Variants in CCDC27 observed in about 807,000 individuals in gnomAD.
CCDC27 encodes coiled-coil domain-containing protein 27.
In CCDC27, 80 loss-of-function variants were observed where a neutral mutation model predicts 80.3. The observed-to-expected ratio is 1.00, with a 90% CI of 0.83 to 1.20. The LOEUF (loss-of-function observed/expected upper bound fraction) is 1.20. Among genes scored for constraint, CCDC27 ranks in the 50% most tolerant of loss-of-function variants. CCDC27 has a pLI of 0.00. For missense variants in CCDC27, 815 were observed against 809.4 expected, an observed-to-expected ratio of 1.01 and a Z score of -0.08; for synonymous variants, 342 against 334.3, an observed-to-expected ratio of 1.02 and a Z score of -0.25.
chr1:3,761,472 G>A lies in CCDC27; in HGVS notation c.861+42G>A, dbSNP rs375551418. ...GGGGCACAGCGCAGAGCTCTAAGAC[G>A]GTTGTTTTCAAAGCGTCCAAAGCTG... On this transcript the variant is annotated intron_variant, in intron 5 of 11. Transcript: ENST00000294600. The surrounding 1 kb of genome is among the most constrained non-coding windows in gnomAD (Gnocchi z 5.0). 63 of 1,592,198 alleles carry A rather than the reference G, an allele frequency of 4.0e-5. No individual in the cohort carries two copies. The African/African-American group carries it at 4.5e-4, about 11-fold the overall frequency.
intron 10 of CCDC27, 104 bp downstream of exon 10, chr1:3,767,549 C>A: frequency 1.0e-6 from 1 of 959,122 alleles, no homozygotes; most frequent in Non-Finnish European, 1.6e-6. Context: ...TCTGTGTACG[C>A]TGGGGCTCGG....
intron 1 of CCDC27, 94 bp from the exon 2 acceptor site, chr1:3,754,024 T>C (rs1293424642): frequency 1.3e-6 from 2 of 1,528,328 alleles, no homozygotes; most frequent in East Asian, 2.4e-5. Context: ...TTGGGGCGAT[T>C]TGTGATGGTT....
At chr1:3,758,949 C>T (rs910173857) in intron 4 of CCDC27, among the ~76,000 whole-genome samples, 33 of 151,896 alleles carry the variant, frequency 2.2e-4, no homozygotes, top group Non-Finnish European at 1.0e-4. Context: ...AGTGGCTCAC[C>T]TCTGCAATCC....
rs902714278 is a variant in CCDC27, at chr1:3,755,533, C to T, written c.519C>T (p.Phe173=). The T allele has an allele frequency of 3.1e-6, 5 of 1,614,098 alleles. No homozygotes were observed. Among genetic ancestry groups the T allele is most frequent in the Non-Finnish European group, 4.2e-6 (5 of 1,180,020 alleles). The change falls in exon 3 of 12, where the codon TTC becomes TTT. Residue 173 remains phenylalanine, a synonymous_variant. Transcript: ENST00000294600. Reference sequence around the variant, plus strand: ...CCTGGAGAGGCACCCAGGACCTGTTCTTGGCCAGGCGGGGCTCAGACACGA... The same window carrying T: ...CCTGGAGAGGCACCCAGGACCTGTTTTTGGCCAGGCGGGGCTCAGACACGA... ...SETWRGTQDL[F]LARRGSDTNV...
intron 3 of CCDC27, 110 bp downstream of exon 3, chr1:3,755,677 C>T: frequency 1.1e-6 from 1 of 927,952 alleles, no homozygotes; most frequent in Non-Finnish European, 1.7e-6. Context: ...CCGGGACTGT[C>T]TGCCTCCTGA....
chr1:3,757,613 T>C (rs1214001439), intron 4 of CCDC27, among the ~76,000 whole-genome samples: 1 of 152,060 alleles, frequency 6.6e-6, no homozygotes, highest in African/African-American at 2.4e-5. Context: ...GGCTACTTTT[T>C]GTATTTTTGT....
At chr1:3,756,611 T>G (rs1344922722) in intron 3 of CCDC27, 122 bp from the exon 4 acceptor site, 2 of 1,010,846 alleles carry the variant, frequency 2.0e-6, no homozygotes, top group Non-Finnish European at 1.5e-6. Flanking sequence ...GATTGGAGTC[T>G]GTCTGGGCAG....
At position 3,769,832 on chromosome 1, in the gene CCDC27, G is replaced by A; in HGVS notation, c.1793G>A (p.Gly598Glu). ...ATCCAGGCCACCTTTAGCATCTCCG[G>A]GACCAAGTCCTTGGCCAACGAGATC... ...KIIQATFSIS[G>E]TKSLANEISD... The change falls in exon 11 of 12, where the codon GGG (glycine) becomes GAG (glutamate). Residue 598 changes from glycine (G) to glutamate (E), a missense_variant. Gly to Glu is a moderately conservative substitution (Grantham distance 98). Transcript: ENST00000294600. The surrounding 1 kb of genome is among the most constrained non-coding windows in gnomAD (Gnocchi z 4.6). 6.2e-7 allele frequency: 1 copy of A among 1,613,992 alleles called. No individual in the cohort carries two copies. Among genetic ancestry groups the A allele is most frequent in the Non-Finnish European group, 8.5e-7 (1 of 1,179,960 alleles).
Position 3,763,967 on chromosome 1 carries a change from C to G in CCDC27, c.1452+131C>G. 7.1e-7 allele frequency: 1 copy of G among 1,415,230 alleles called. No homozygotes were observed. The highest frequency in any genetic ancestry group is 9.4e-7 in the Non-Finnish European group (1 of 1,065,848). The allele number at this position is 1,415,230 out of a possible 1,614,324, so 87.7% of individuals were successfully genotyped here. A position where few individuals can be genotyped will look rare whatever the true frequency, so the allele number is the denominator to read the frequency against. ...AGACTTTGAGCCTGGGGTGTCCAGGCAGCTGGCCCAGGGTTGTGCGGCTGA... is the reference window on the plus strand; with the variant it reads ...AGACTTTGAGCCTGGGGTGTCCAGGGAGCTGGCCCAGGGTTGTGCGGCTGA... On this transcript the variant is annotated intron_variant, in intron 8 of 11. Transcript: ENST00000294600. The surrounding 1 kb of genome is among the most constrained non-coding windows in gnomAD (Gnocchi z 7.5).
intron 6 of CCDC27, 36 bp downstream of exon 6, chr1:3,762,748 G>T: frequency 1.3e-6 from 2 of 1,531,686 alleles, no homozygotes; most frequent in Non-Finnish European, 1.8e-6. Flanking sequence ...CGCAGTGGGG[G>T]ACCCGGGCCC....
rs115222871 is a variant in CCDC27 at position 3,770,061 on chromosome 1, A to G, written c.1848+174A>G. ...CTCTCAGCTCAGGCAGAGGGGATCA[A>G]ATCATCCTAAGGCAGGTGGGGGCAT... On this transcript the variant is annotated intron_variant, in intron 11 of 11. Transcript: ENST00000294600. Among the ~76,000 whole-genome samples, 673 of 152,234 alleles carry G rather than the reference A, an allele frequency of 4.4e-3. 1 individual carries two copies. Among genetic ancestry groups the G allele is most frequent in the African/African-American group, 0.016 (646 of 41,534 alleles).
At chr1:3,753,470 G>A (rs1184395456) in intron 1 of CCDC27, among the ~76,000 whole-genome samples, 2 of 151,956 alleles carry the variant, frequency 1.3e-5, no homozygotes, top group African/African-American at 2.4e-5. Context: ...ATTACAATGT[G>A]CCACCTTGCC....
At chr1:3,767,076 T>C (rs1246217692) in intron 9 of CCDC27, among the ~76,000 whole-genome samples, 157 bp from the exon 10 acceptor site, 3 of 152,184 alleles carry the variant, frequency 2.0e-5, no homozygotes, top group Non-Finnish European at 4.4e-5. Flanking sequence ...CTTAACCTCG[T>C]GATCCGCCCA....
At chr1:3,753,714 C>G (rs1364397243) in intron 1 of CCDC27, among the ~76,000 whole-genome samples, 1 of 152,244 alleles carries the variant, frequency 6.6e-6, no homozygotes, top group Admixed American at 6.5e-5. Flanking sequence ...AGGGGACACA[C>G]TGCTGCAGCC....
chr1:3,752,909 G>A, intron 1 of CCDC27, 110 bp downstream of exon 1: 1 of 1,236,412 alleles, frequency 8.1e-7, no homozygotes, highest in Non-Finnish European at 1.1e-6. Context: ...CAGGCCTTCT[G>A]GTGATGGGTT....
rs545269800 is a variant in CCDC27 at position 3,768,834 on chromosome 1, C to T, written c.1744-949C>T. Reference sequence around the variant, plus strand: ...GGGAGGGACCCCCAGTACAGAGGCCCAGCCCCTTGTGACCTCACGACCTCC... The same window carrying T: ...GGGAGGGACCCCCAGTACAGAGGCCTAGCCCCTTGTGACCTCACGACCTCC... On this transcript the variant is annotated intron_variant, in intron 10 of 11. Coordinates refer to ENST00000294600, the MANE Select transcript of CCDC27 (RefSeq NM_152492.3). This position sits in a 1 kb window ranked among gnomAD's most constrained non-coding sequence, Gnocchi z 5.6. Among the ~76,000 whole-genome samples the T allele has an allele frequency of 2.0e-5, 3 of 152,306 alleles. No individual in the cohort carries two copies. Among genetic ancestry groups the T allele is most frequent in the African/African-American group, 4.8e-5 (2 of 41,566 alleles).
At chr1:3,752,829 G>A (rs373900617) in intron 1 of CCDC27, 30 bp downstream of exon 1, 86 of 1,592,780 alleles carry the variant, frequency 5.4e-5, no homozygotes, top group Non-Finnish European at 6.4e-5. Flanking sequence ...GGGCTGCCAC[G>A]AGCCTTGAGG....
intron 4 of CCDC27, among the ~76,000 whole-genome samples, chr1:3,759,332 A>C (rs559137414): frequency 6.6e-6 from 1 of 152,230 alleles, no homozygotes; most frequent in Admixed American, 6.5e-5. Flanking sequence ...TTCACATAAG[A>C]TTTTTTATGT....
Position 3,768,289 on chromosome 1 carries a change from G to A in CCDC27, c.1743+844G>A, listed in dbSNP as rs1226350682. ...ATTTTAAAAGCTTTTTGTAGAGACG[G>A]TCTCACTATGCTGTCCAGGCTGGTC... On this transcript the variant is annotated intron_variant, in intron 10 of 11. Coordinates refer to ENST00000294600, the MANE Select transcript of CCDC27 (RefSeq NM_152492.3). This position sits in a 1 kb window ranked among gnomAD's most constrained non-coding sequence, Gnocchi z 5.6. Among the ~76,000 whole-genome samples, 2 of 152,006 alleles carry A rather than the reference G, an allele frequency of 1.3e-5. No homozygotes were observed. Among genetic ancestry groups the A allele is most frequent in the Non-Finnish European group, 2.9e-5 (2 of 67,986 alleles).
Sources: allele counts gnomAD v4.1 joint callset (sites outside exome capture counted in the v4.1 genomes callset), GRCh38; gene constraint gnomAD v4.1.1; non-coding constraint Gnocchi (gnomAD v3.1); transcripts MANE v1.5; gene names NCBI Gene and HGNC (gene_info 2026-07-23, HGNC 2026-07-21).